The following EYS variants were observed in gnomAD, a reference collection of about 807,000 sequenced individuals.
EYS encodes protein eyes shut homolog.
A neutral mutation model predicts 282.1 loss-of-function variants in EYS; 250 were observed. That is an observed-to-expected ratio of 0.89 (90% CI 0.80 to 0.98). The LOEUF (loss-of-function observed/expected upper bound fraction) is 0.98, where lower values mean the gene tolerates loss of function less well. EYS is among the 50% of genes least tolerant of loss of function. EYS has a pLI of 0.00. For missense variants in EYS, 4,016 were observed against 3,709.0 expected (o/e 1.08, Z -2.15); for synonymous variants, 1,355 against 1,282.9 (o/e 1.06, Z -1.20).
intron 22 of EYS, among the ~76,000 whole-genome samples, chr6:64,712,021 C>A (rs768466107): frequency 5.9e-5 from 9 of 152,162 alleles, no homozygotes; most frequent in Non-Finnish European, 1.0e-4. Context: ...GCACCGAACC[C>A]AGAGGACAAG....
chr6:64,750,206 A>G (rs998769263), intron 22 of EYS, among the ~76,000 whole-genome samples: 1 of 152,100 alleles, frequency 6.6e-6, no homozygotes, highest in African/African-American at 2.4e-5. Context: ...AGCTAAAATT[A>G]TAATAAAATA....
rs180910963 is a variant in EYS, at chr6:63,944,793, G to A, written c.7055+39590C>T. Among the ~76,000 whole-genome samples the A allele has an allele frequency of 8.8e-4, 134 of 152,196 alleles. 1 individual carries two copies. Among genetic ancestry groups the A allele is most frequent in the African/African-American group, 3.1e-3 (130 of 41,534 alleles). The stretch of plus-strand genomic sequence containing the variant: ...AAATAAAAATAAAAAAAATAGCCAG[G>A]CATGGTGGCACACACCTGTAATTCC... On this transcript the variant is annotated intron_variant, in intron 35 of 42. Coordinates refer to ENST00000503581, the MANE Select transcript of EYS (RefSeq NM_001142800.2).
chr6:64,851,110 GA>G (rs1313351528), intron 19 of EYS, among the ~76,000 whole-genome samples: 1 of 151,958 alleles, frequency 6.6e-6, no homozygotes, highest in Non-Finnish European at 1.5e-5. Flanking sequence ...AGAAACTTGA[GA>G]AAATAACATG....
At chr6:64,651,812 G>A (rs895500584) in intron 22 of EYS, among the ~76,000 whole-genome samples, 1 of 152,192 alleles carries the variant, frequency 6.6e-6, no homozygotes, top group South Asian at 2.1e-4. Flanking sequence ...AGACATATTA[G>A]TGAACAATAA....
At chr6:64,592,353 G>A (rs1766438531) in intron 25 of EYS, among the ~76,000 whole-genome samples, 1 of 152,102 alleles carries the variant, frequency 6.6e-6, no homozygotes, top group Non-Finnish European at 1.5e-5. Flanking sequence ...GGTTAGAAAT[G>A]TTAGAAATAC....
intron 35 of EYS, among the ~76,000 whole-genome samples, chr6:63,866,858 T>G (rs900525916): frequency 1.3e-5 from 2 of 152,216 alleles, no homozygotes; most frequent in African/African-American, 4.8e-5. Context: ...TGCCAGATGA[T>G]GGCACTTCAA....
intron 22 of EYS, among the ~76,000 whole-genome samples, chr6:64,715,031 GT>G (rs762649871): frequency 6.5e-4 from 94 of 144,302 alleles, no homozygotes; most frequent in East Asian, 1.0e-3. Flanking sequence ...GCAGTCCCCA[GT>G]TTTTTTTTTT....
chr6:64,299,987 G>A (rs1769177278), intron 30 of EYS, among the ~76,000 whole-genome samples: 1 of 152,100 alleles, frequency 6.6e-6, no homozygotes, highest in Non-Finnish European at 1.5e-5. Flanking sequence ...TAACAAAGAG[G>A]AAATGGAGGT....
At chr6:64,429,138 C>T (rs536581971) in intron 28 of EYS, among the ~76,000 whole-genome samples, 5 of 152,252 alleles carry the variant, frequency 3.3e-5, no homozygotes, top group South Asian at 2.1e-4. Flanking sequence ...CAAAATTACT[C>T]TATGCTCCTC....
chr6:65,329,349 G>C, intron 11 of EYS: 1 of 848,814 alleles, frequency 1.2e-6, no homozygotes, highest in South Asian at 5.4e-5. Context: ...ACAATGATAT[G>C]TACTCTAGAA....
At chr6:64,139,753 G>T (rs560084125) in intron 31 of EYS, among the ~76,000 whole-genome samples, 1 of 151,950 alleles carries the variant, frequency 6.6e-6, no homozygotes, top group Admixed American at 6.6e-5. Flanking sequence ...GAAGGATCAC[G>T]AAGTCAGGAG....
chr6:65,705,406 T>A (rs1769839478), intron 1 of EYS, among the ~76,000 whole-genome samples: 1 of 152,168 alleles, frequency 6.6e-6, no homozygotes, highest in Non-Finnish European at 1.5e-5. Flanking sequence ...TTTTTTGTTT[T>A]CCCTAAGTTT....
chr6:64,483,844 G>A (rs1776506663), intron 26 of EYS, among the ~76,000 whole-genome samples: 1 of 151,588 alleles, frequency 6.6e-6, no homozygotes, highest in Admixed American at 6.6e-5. Flanking sequence ...TAATAGGGAA[G>A]GGAGGTGCTG....
At chr6:64,818,554 C>T (rs1210274054) in intron 21 of EYS, among the ~76,000 whole-genome samples, 1 of 152,082 alleles carries the variant, frequency 6.6e-6, no homozygotes, top group Non-Finnish European at 1.5e-5. Context: ...GGGAAGCCGA[C>T]AGTGCAGCCT....
At chr6:65,087,459 A>G (rs1774417036) in intron 12 of EYS, among the ~76,000 whole-genome samples, 2 of 152,272 alleles carry the variant, frequency 1.3e-5, no homozygotes, top group South Asian at 2.1e-4. Flanking sequence ...TTAGTTCCAC[A>G]CATTGGCTTT....
intron 22 of EYS, among the ~76,000 whole-genome samples, chr6:64,775,079 T>C (rs1360521702): frequency 6.6e-6 from 1 of 151,890 alleles, no homozygotes; most frequent in Non-Finnish European, 1.5e-5. Context: ...CAAGTGAAAC[T>C]CTCCTGGGAT....
intron 28 of EYS, among the ~76,000 whole-genome samples, chr6:64,406,120 A>G (rs1455090773): frequency 6.6e-6 from 1 of 152,172 alleles, no homozygotes; most frequent in Non-Finnish European, 1.5e-5. Context: ...ATATGTATAG[A>G]CCAGTGGAAC....
At chr6:65,604,659 C>A (rs868553599) in intron 2 of EYS, among the ~76,000 whole-genome samples, 4 of 151,606 alleles carry the variant, frequency 2.6e-5, no homozygotes, top group Non-Finnish European at 5.9e-5. Context: ...GGTATTTAAG[C>A]GAAAGTACGC....
intron 13 of EYS, 105 bp from the exon 14 acceptor site, chr6:64,997,808 A>G (rs1771321774): frequency 1.0e-6 from 1 of 1,001,014 alleles, no homozygotes; most frequent in Non-Finnish European, 1.4e-6. Context: ...TTCACTTTTA[A>G]CCAAATAAAG....
Sources: allele counts gnomAD v4.1 joint callset (sites outside exome capture counted in the v4.1 genomes callset), GRCh38; gene constraint gnomAD v4.1.1; transcripts MANE v1.5; gene names NCBI Gene and HGNC (gene_info 2026-07-23, HGNC 2026-07-21).